The following GALNT2 variants were observed in gnomAD, a reference collection of about 807,000 sequenced individuals.
GALNT2 encodes polypeptide N-acetylgalactosaminyltransferase 2.
A neutral mutation model predicts 81.4 loss-of-function variants in GALNT2; 31 were observed. That is an observed-to-expected ratio of 0.38 (90% CI 0.29 to 0.51). The LOEUF (loss-of-function observed/expected upper bound fraction) is 0.51, where lower values mean the gene tolerates loss of function less well. Ranked by LOEUF, GALNT2 falls within the 20% of genes least tolerant of loss-of-function variation. The pLI is 0.87. For missense variants in GALNT2, 629 were observed against 765.7 expected, an observed-to-expected ratio of 0.82 and a Z score of 2.11; for synonymous variants, 303 against 287.4, an observed-to-expected ratio of 1.05 and a Z score of -0.55.
At chr1:230,156,437 T>C (rs1405953505) in intron 1 of GALNT2, among the ~76,000 whole-genome samples, 1 of 152,188 alleles carries the variant, frequency 6.6e-6, no homozygotes, top group Non-Finnish European at 1.5e-5. Flanking sequence ...TGGTAGGATA[T>C]ATTCATTGGT....
At chr1:230,178,410 A>C (rs1425680454) in intron 2 of GALNT2, 99 bp downstream of exon 2, 2 of 840,574 alleles carry the variant, frequency 2.4e-6, no homozygotes, top group Non-Finnish European at 3.7e-6. Context: ...GAGAGGCTGG[A>C]TTCCATAGGT....
At chr1:230,263,100 G>A (rs1665927440) in intron 13 of GALNT2, 95 bp downstream of exon 13, 2 of 1,042,652 alleles carry the variant, frequency 1.9e-6, no homozygotes, top group South Asian at 2.6e-5. Context: ...TGGGGCTGCA[G>A]GCATGAGATT....
In GALNT2 at chr1:230,245,507, G is replaced by C. The variant is rs61823318; in HGVS notation, c.730-556G>C. On this transcript the variant is annotated intron_variant, in intron 7 of 15. Transcript: ENST00000366672. ...AAAAAACAAAAAAGATAGAATTACA[G>C]ATGAGGCAAACGTAGAATCTGGAAA... Among the ~76,000 whole-genome samples, 455 of 152,092 alleles carry C rather than the reference G, an allele frequency of 3.0e-3. 1 individual carries two copies. Among genetic ancestry groups the C allele is most frequent in the Middle Eastern group, 0.01 (3 of 294 alleles).
intron 1 of GALNT2, among the ~76,000 whole-genome samples, chr1:230,094,373 C>A (rs920071325): frequency 4.6e-5 from 7 of 151,960 alleles, no homozygotes; most frequent in Admixed American, 4.6e-4. Flanking sequence ...CCTGTAATCC[C>A]AGCACTTTGG....
At chr1:230,111,001 G>A (rs1660687186) in intron 1 of GALNT2, among the ~76,000 whole-genome samples, 1 of 152,170 alleles carries the variant, frequency 6.6e-6, no homozygotes, top group Admixed American at 6.5e-5. Flanking sequence ...GCAGGAATGT[G>A]TGTGCGTGTG....
At chr1:230,132,298 G>A (rs1284640946) in intron 1 of GALNT2, among the ~76,000 whole-genome samples, 1 of 152,154 alleles carries the variant, frequency 6.6e-6, no homozygotes, top group Non-Finnish European at 1.5e-5. Flanking sequence ...AGACCAGGAC[G>A]TCCAGCCTGA....
intron 2 of GALNT2, among the ~76,000 whole-genome samples, chr1:230,189,098 A>C (rs1663435472): frequency 6.6e-6 from 1 of 152,154 alleles, no homozygotes; most frequent in South Asian, 2.1e-4. Context: ...TTCTTGTTGG[A>C]GATCTCTCAC....
intron 3 of GALNT2, among the ~76,000 whole-genome samples, chr1:230,209,357 C>CCCTGATCCATCCCAT (rs1553268815): frequency 5.3e-5 from 8 of 151,344 alleles, no homozygotes; most frequent in African/African-American, 1.9e-4. Flanking sequence ...AAGGGTGGCG[C>CCCTGATCCATCCCAT]CCTGATCCAC....
intron 1 of GALNT2, among the ~76,000 whole-genome samples, chr1:230,090,320 A>G (rs1412820556): frequency 6.6e-6 from 1 of 152,194 alleles, no homozygotes; most frequent in Non-Finnish European, 1.5e-5. Flanking sequence ...TGAGTCACTT[A>G]TCTTCTGGGG....
At chr1:230,064,169 T>G (rs557163759), upstream of GALNT2, among the ~76,000 whole-genome samples, 5 of 152,348 alleles carry the variant, frequency 3.3e-5, no homozygotes, top group South Asian at 1.0e-3. Flanking sequence ...CTGTCTGTTT[T>G]ATATGGTATC....
At chr1:230,212,312 T>G (rs529887926) in intron 3 of GALNT2, among the ~76,000 whole-genome samples, 1 of 152,222 alleles carries the variant, frequency 6.6e-6, no homozygotes, top group South Asian at 2.1e-4. Flanking sequence ...TGAATGCACC[T>G]AAAAAATGGA....
chr1:230,066,868 G>A (rs552974853), upstream of GALNT2, among the ~76,000 whole-genome samples: 1 of 151,902 alleles, frequency 6.6e-6, no homozygotes, highest in South Asian at 2.1e-4. Context: ...CGGGGGAGGG[G>A]GCGGCCGGCG....
intron 2 of GALNT2, among the ~76,000 whole-genome samples, chr1:230,194,830 T>C (rs1259465809): frequency 1.3e-5 from 2 of 152,058 alleles, no homozygotes; most frequent in African/African-American, 4.8e-5. Context: ...CCATCCACCA[T>C]AGAGGGGAGC....
At chr1:230,140,262 AG>A (rs1661688533) in intron 1 of GALNT2, among the ~76,000 whole-genome samples, 1 of 152,114 alleles carries the variant, frequency 6.6e-6, no homozygotes, top group Admixed American at 6.5e-5. Flanking sequence ...GTTTGGAGAC[AG>A]GTGATGGTTA....
chr1:230,169,316 A>G (rs1159192223), intron 1 of GALNT2, among the ~76,000 whole-genome samples: 3 of 152,162 alleles, frequency 2.0e-5, no homozygotes, highest in Admixed American at 1.3e-4. Context: ...GATGGGATAG[A>G]GTGGTTCTTA....
intron 1 of GALNT2, among the ~76,000 whole-genome samples, chr1:230,158,254 G>A: frequency 6.6e-6 from 1 of 152,168 alleles, no homozygotes. Context: ...GGGGAGATGA[G>A]GCCAGAGGTT....
rs1663580646 is a variant in GALNT2, at chr1:230,193,100, T to C, written c.221-10037T>C. ...AATCTGAGAGCCTTGTCCTTTGATA[T>C]TAAATACATTCTGTTTCCCTTCCTT... On this transcript the variant is annotated intron_variant, in intron 2 of 15. Coordinates refer to ENST00000366672, the MANE Select transcript of GALNT2 (RefSeq NM_004481.5). This position sits in a 1 kb window ranked among gnomAD's most constrained non-coding sequence, Gnocchi z 4.3. 1.3e-5 allele frequency among the ~76,000 whole-genome samples: 2 copies of C among 152,238 alleles called. No individual in the cohort carries two copies. Among genetic ancestry groups the C allele is most frequent in the South Asian group, 4.1e-4 (2 of 4,830 alleles).
intron 10 of GALNT2, among the ~76,000 whole-genome samples, chr1:230,253,989 C>T (rs1387516151): frequency 2.0e-5 from 3 of 152,098 alleles, no homozygotes; most frequent in African/African-American, 7.2e-5. Context: ...AAATGAAGTC[C>T]TGTCATTCAC....
At chr1:230,217,516 C>T (rs142138969) in intron 3 of GALNT2, among the ~76,000 whole-genome samples, 131 of 152,264 alleles carry the variant, frequency 8.6e-4, no homozygotes, top group African/African-American at 3.0e-3. Context: ...AGCCTGGAGG[C>T]GCATGGTAAG....
Sources: gnomAD v4.1 joint callset for allele counts (sites outside exome capture counted in the v4.1 genomes callset) on GRCh38, gnomAD v4.1.1 for gene constraint, Gnocchi (gnomAD v3.1) non-coding constraint, MANE v1.5 for transcripts, NCBI Gene and HGNC (gene_info 2026-07-23, HGNC 2026-07-21) for gene names.